The following STXBP6 variants were observed in gnomAD, a reference collection of about 807,000 sequenced individuals.
STXBP6 encodes the protein syntaxin binding protein 6, also known as syntaxin-binding protein 6.
Under a neutral mutation model 26.9 loss-of-function variants are expected in STXBP6, and 21 were observed. The ratio of observed to expected loss-of-function variants is 0.78; its 90% CI spans 0.55 to 1.12. The LOEUF is 1.12. Among genes scored for constraint, STXBP6 ranks in the 50% most tolerant of loss-of-function variants. The pLI is 0.00. For missense variants in STXBP6, 232 were observed against 257.9 expected, an observed-to-expected ratio of 0.90 and a Z score of 0.69; for synonymous variants, 97 against 92.6, an observed-to-expected ratio of 1.05 and a Z score of -0.27.
At chr14:24,931,140 A>AC (rs2072385829) in intron 2 of STXBP6, among the ~76,000 whole-genome samples, 2 of 144,028 alleles carry the variant, frequency 1.4e-5, no homozygotes, top group East Asian at 4.0e-4. Flanking sequence ...AAAAAAAAAA[A>AC]AACCCAAACA....
chr14:24,853,767 T>C (rs1005450941), intron 4 of STXBP6, among the ~76,000 whole-genome samples: 1 of 152,070 alleles, frequency 6.6e-6, no homozygotes, highest in Admixed American at 6.6e-5. Flanking sequence ...TAAATACACA[T>C]ACCAACAATT....
At chr14:24,830,422 G>C (rs990490552) in intron 4 of STXBP6, among the ~76,000 whole-genome samples, 11 of 152,090 alleles carry the variant, frequency 7.2e-5, no homozygotes, top group African/African-American at 2.4e-4. Context: ...AAAGATTTGA[G>C]ATACATATTA....
chr14:25,027,790 A>T lies in STXBP6; in HGVS notation c.-33+22088T>A, dbSNP rs199864884. On this transcript the variant is annotated intron_variant, in intron 1 of 5. Coordinates refer to ENST00000323944, the MANE Select transcript of STXBP6 (RefSeq NM_001394410.1). ...GTTGGGAATGCAAAAAACTTCTTGA[A>T]GGAAATTAAAAATACTGCTCTGCTG... Among the ~76,000 whole-genome samples the T allele has an allele frequency of 1.1e-4, 17 of 152,382 alleles. No individual in the cohort carries two copies. The East Asian group carries it at 3.1e-3, about 28-fold the overall frequency.
chr14:24,991,575 A>G (rs1186969708), intron 1 of STXBP6, among the ~76,000 whole-genome samples: 4 of 152,218 alleles, frequency 2.6e-5, no homozygotes, highest in African/African-American at 4.8e-5. Context: ...CTGAGCTTTT[A>G]TCATCCCCAA....
intron 2 of STXBP6, among the ~76,000 whole-genome samples, chr14:24,912,670 C>A (rs1422020826): frequency 6.6e-6 from 1 of 152,100 alleles, no homozygotes; most frequent in Non-Finnish European, 1.5e-5. Context: ...AATGTGAGTA[C>A]ACTTGATTAA....
intron 5 of STXBP6, among the ~76,000 whole-genome samples, chr14:24,813,309 AACACGGTC>A (rs1212188273): frequency 6.6e-6 from 1 of 152,174 alleles, no homozygotes; most frequent in Non-Finnish European, 1.5e-5. Context: ...GTGTTTGTAA[AACACGGTC>A]TATTGAAATA....
intron 1 of STXBP6, among the ~76,000 whole-genome samples, chr14:25,043,186 C>T (rs929575129): frequency 3.3e-5 from 5 of 152,212 alleles, no homozygotes; most frequent in Non-Finnish European, 7.3e-5. Flanking sequence ...GCCATGAAAA[C>T]GATCCCACTG....
intron 4 of STXBP6, among the ~76,000 whole-genome samples, chr14:24,854,167 T>C (rs1481513920): frequency 1.3e-5 from 2 of 152,082 alleles, no homozygotes; most frequent in Non-Finnish European, 2.9e-5. Context: ...GCAGGGGGAC[T>C]GCCTAGTGCA....
At chr14:24,962,548 G>A (rs1467803801) in intron 2 of STXBP6, among the ~76,000 whole-genome samples, 1 of 151,722 alleles carries the variant, frequency 6.6e-6, no homozygotes, top group Non-Finnish European at 1.5e-5. Flanking sequence ...GGCTGGTCTC[G>A]GACTCCTGAC....
At chr14:24,868,876 C>T (rs769796929) in intron 2 of STXBP6, among the ~76,000 whole-genome samples, 3 of 152,164 alleles carry the variant, frequency 2.0e-5, no homozygotes, top group African/African-American at 2.4e-5. Flanking sequence ...AGGTCAGTCA[C>T]GAAGTCCCAG....
chr14:24,854,387 T>C (rs854326), intron 4 of STXBP6, among the ~76,000 whole-genome samples: 41,815 of 151,958 alleles, frequency 0.28, 6,886 homozygotes, highest in South Asian at 0.45. Context: ...GTGCAATGCT[T>C]GAGGGGAGTC....
intron 1 of STXBP6, among the ~76,000 whole-genome samples, chr14:25,047,429 C>G (rs1397892030): frequency 6.6e-6 from 1 of 152,222 alleles, no homozygotes; most frequent in Non-Finnish European, 1.5e-5. Context: ...AACCTTGTCT[C>G]TGTATATGAG....
chr14:25,039,038 A>C (rs1020216896), intron 1 of STXBP6, among the ~76,000 whole-genome samples: 2 of 152,148 alleles, frequency 1.3e-5, no homozygotes, highest in Non-Finnish European at 2.9e-5. Flanking sequence ...AATAAATGAT[A>C]AGTATAGGAG....
At chr14:24,901,874 G>C (rs2071225542) in intron 2 of STXBP6, among the ~76,000 whole-genome samples, 1 of 152,110 alleles carries the variant, frequency 6.6e-6, no homozygotes, top group African/African-American at 2.4e-5. Context: ...GACTGGAAAG[G>C]GGAATAAAAG....
intron 2 of STXBP6, among the ~76,000 whole-genome samples, chr14:24,901,245 C>T (rs1680180150): frequency 6.6e-6 from 1 of 151,488 alleles, no homozygotes; most frequent in South Asian, 2.1e-4. Context: ...ATTGAAATGT[C>T]CTCAAATCTA....
intron 4 of STXBP6, among the ~76,000 whole-genome samples, chr14:24,834,208 T>A (rs1254687244): frequency 6.6e-6 from 1 of 152,176 alleles, no homozygotes; most frequent in Non-Finnish European, 1.5e-5. Context: ...TTGCCCAGGC[T>A]AGTCTTAAAC....
At chr14:24,960,076 T>C (rs759410689) in intron 2 of STXBP6, among the ~76,000 whole-genome samples, 5 of 152,226 alleles carry the variant, frequency 3.3e-5, no homozygotes, top group African/African-American at 4.8e-5. Context: ...AGCTGCTAAG[T>C]GCTAAGCACT....
intron 1 of STXBP6, among the ~76,000 whole-genome samples, chr14:24,976,409 C>T (rs2074045802): frequency 1.3e-5 from 2 of 152,208 alleles, no homozygotes; most frequent in Non-Finnish European, 2.9e-5. Context: ...GAATACCTAT[C>T]TATACATACA....
At chr14:25,040,069 C>A (rs1023692887) in intron 1 of STXBP6, among the ~76,000 whole-genome samples, 1 of 152,094 alleles carries the variant, frequency 6.6e-6, no homozygotes, top group Non-Finnish European at 1.5e-5. Context: ...TTAGAGGCAC[C>A]GACCTGGGGC....
Sources: gnomAD v4.1 joint callset for allele counts (sites outside exome capture counted in the v4.1 genomes callset) on GRCh38, gnomAD v4.1.1 for gene constraint, MANE v1.5 for transcripts, NCBI Gene and HGNC (gene_info 2026-07-23, HGNC 2026-07-21) for gene names.